Variants in MPRIP observed in about 807,000 individuals in gnomAD.
MPRIP encodes myosin phosphatase Rho-interacting protein.
In MPRIP, 59 loss-of-function variants were observed where a neutral mutation model predicts 234.9. The observed-to-expected ratio is 0.25, with a 90% CI of 0.20 to 0.31. MPRIP has a LOEUF of 0.31. Ranked by LOEUF, MPRIP falls within the 10% of genes least tolerant of loss-of-function variation. MPRIP has a pLI of 1.00. For synonymous variants in MPRIP, 1,144 were observed against 1,263.9 expected (o/e 0.91, Z 2.01); for missense variants, 2,436 against 3,071.0 (o/e 0.79, Z 4.89).
chr17:17,065,666 T>C (rs972958860), intron 1 of MPRIP, among the ~76,000 whole-genome samples: 5 of 152,174 alleles, frequency 3.3e-5, no homozygotes, highest in Admixed American at 1.3e-4. Context: ...TGCCTTTCCA[T>C]GTAAATTTTA....
chr17:17,164,607 G>T lies in MPRIP; in HGVS notation c.3016G>T (p.Ala1006Ser). The change falls in exon 16 of 24, where the codon GCC (alanine) becomes TCC (serine). Residue 1006 changes from alanine to serine, a missense_variant. Physicochemically the swap from Ala to Ser is moderately conservative, Grantham distance 99. Coordinates refer to ENST00000651222, the MANE Select transcript of MPRIP (RefSeq NM_001364716.4). ...RIADLSQQLG[A>S]SEQAQRLMEE... ...TGCCGACCTCAGCCAGCAACTGGGC[G>T]CCAGTGAGCAGGCGCAGCGGCTGAT... 1 of 1,214,338 alleles carries T rather than the reference G, an allele frequency of 8.2e-7. No individual in the cohort carries two copies. Among genetic ancestry groups the T allele is most frequent in the Non-Finnish European group, 1.1e-6 (1 of 948,026 alleles). The allele number at this position is 1,214,338 out of a possible 1,614,324, so 75.2% of individuals were successfully genotyped here.
chr17:17,140,895 T>C (rs2090800686), intron 7 of MPRIP, among the ~76,000 whole-genome samples: 2 of 152,100 alleles, frequency 1.3e-5, no homozygotes, highest in Non-Finnish European at 2.9e-5. Context: ...AGCTGCAGGG[T>C]GCAGGCCCCG....
intron 3 of MPRIP, among the ~76,000 whole-genome samples, chr17:17,122,304 G>T (rs1322841792): frequency 6.6e-6 from 1 of 151,988 alleles, no homozygotes; most frequent in Non-Finnish European, 1.5e-5. Flanking sequence ...CTCCACAATC[G>T]AAGGGAGCTG....
intron 6 of MPRIP, among the ~76,000 whole-genome samples, chr17:17,137,068 G>A (rs1481300921): frequency 2.6e-5 from 4 of 152,176 alleles, no homozygotes; most frequent in African/African-American, 4.8e-5. Flanking sequence ...AGCAGCAGGG[G>A]CCAGCCCAGC....
chr17:17,089,657 C>T (rs1401270979), intron 3 of MPRIP, among the ~76,000 whole-genome samples: 1 of 152,018 alleles, frequency 6.6e-6, no homozygotes, highest in Non-Finnish European at 1.5e-5. Flanking sequence ...CTAAGTAGGA[C>T]TTGTGGGGGT....
intron 12 of MPRIP, among the ~76,000 whole-genome samples, chr17:17,151,038 T>TATTATTATTATTATTATC (rs1223072409): frequency 9.2e-6 from 1 of 108,770 alleles, no homozygotes; most frequent in East Asian, 3.1e-4. Flanking sequence ...TTATTATTAT[T>TATTATTATTATTATTATC]ATTATCATTA....
chr17:17,147,643 A>G (rs968242828), intron 11 of MPRIP, among the ~76,000 whole-genome samples: 1 of 152,164 alleles, frequency 6.6e-6, no homozygotes, highest in African/African-American at 2.4e-5. Flanking sequence ...GGCTTCGTCA[A>G]GGCCTTGAAT....
chr17:17,153,061 C>A (rs1308037359), intron 12 of MPRIP, among the ~76,000 whole-genome samples: 1 of 152,150 alleles, frequency 6.6e-6, no homozygotes, highest in Non-Finnish European at 1.5e-5. Flanking sequence ...CAGCAACGCC[C>A]ACACCTGGGG....
intron 3 of MPRIP, among the ~76,000 whole-genome samples, chr17:17,114,986 G>C (rs532611471): frequency 6.6e-6 from 1 of 152,380 alleles, no homozygotes; most frequent in South Asian, 2.1e-4. Flanking sequence ...GGAAAGCCCT[G>C]AACGGGTCAT....
At chr17:17,098,094 G>A (rs908791586) in intron 3 of MPRIP, among the ~76,000 whole-genome samples, 1 of 152,114 alleles carries the variant, frequency 6.6e-6, no homozygotes, top group African/African-American at 2.4e-5. Context: ...TGGGCTGCTG[G>A]GGGTGTCCTG....
chr17:17,145,410 TC>T (rs2045438749), intron 9 of MPRIP, among the ~76,000 whole-genome samples: 1 of 152,336 alleles, frequency 6.6e-6, no homozygotes, highest in South Asian at 2.1e-4. Flanking sequence ...CTCAGGCTGT[TC>T]CTCAGGGCCC....
intron 1 of MPRIP, among the ~76,000 whole-genome samples, chr17:17,070,909 G>A (rs1774238981): frequency 6.6e-6 from 1 of 152,210 alleles, no homozygotes; most frequent in Non-Finnish European, 1.5e-5. Context: ...TTCCGTGGGG[G>A]AAGGGAGTCA....
chr17:17,143,610 CT>C lies in MPRIP; in HGVS notation c.1445del (p.Leu482ArgfsTer19). On this transcript the variant is annotated frameshift_variant, in exon 9 of 24. Coordinates refer to ENST00000651222, the MANE Select transcript of MPRIP (RefSeq NM_001364716.4). LOFTEE classifies it high-confidence loss of function. ...APLPDASASP[L>X]SPHRRAKSLD... ...TCTCCCAGACGCCTCGGCTTCCCCC[CT>C]GTCTCCACACCGAAGAGCCAAGTCA... 2 of 1,607,194 alleles carry C rather than the reference CT, an allele frequency of 1.2e-6. No homozygotes were observed. Among genetic ancestry groups the C allele is most frequent in the Non-Finnish European group, 8.5e-7 (1 of 1,177,138 alleles).
intron 3 of MPRIP, among the ~76,000 whole-genome samples, chr17:17,087,646 G>T (rs1169158429): frequency 6.6e-6 from 1 of 152,204 alleles, no homozygotes; most frequent in African/African-American, 2.4e-5. Context: ...GGAGCACCTT[G>T]CCCTTAACTT....
chr17:17,182,959 A>G (rs112246725), intron 23 of MPRIP: 280 of 152,510 alleles, frequency 1.8e-3, no homozygotes, highest in East Asian at 2.3e-3. Context: ...AGCCCCTTCA[A>G]TGGTGACCAG....
intron 14 of MPRIP, among the ~76,000 whole-genome samples, chr17:17,160,144 G>A (rs924977966): frequency 3.3e-5 from 5 of 152,088 alleles, no homozygotes; most frequent in Non-Finnish European, 7.4e-5. Flanking sequence ...CGAGGCGGGC[G>A]GATCACAAGG....
At chr17:17,144,059 G>A (rs903332077) in intron 9 of MPRIP, among the ~76,000 whole-genome samples, 1 of 152,220 alleles carries the variant, frequency 6.6e-6, no homozygotes, top group Non-Finnish European at 1.5e-5. Context: ...CTCGTTCTCC[G>A]TGTCATGCCT....
In MPRIP at chr17:17,185,573, C is replaced by CTCCTTCCTTCCTTCCT; in HGVS notation, c.*688_*703dup. 2.2e-6 allele frequency: 1 copy of CTCCTTCCTTCCTTCCT among 455,328 alleles called. No individual in the cohort carries two copies. The highest frequency in any genetic ancestry group is 1.6e-5 in the South Asian group (1 of 64,268). 28.2% of individuals were successfully genotyped at this position (455,328 alleles called of 1,614,324 possible). On this transcript the variant is annotated 3_prime_UTR_variant, in exon 24 of 24. Transcript: ENST00000651222. ...ATCTTGCACAAAATCCCCGGCCCCT[C>CTCCTTCCTTCCTTCCT]TCCTTCCTTCCTTCCTTCCTTCCTC... is the stretch of plus-strand genomic sequence containing the variant.
At chr17:17,089,491 T>TG (rs1175100635) in intron 3 of MPRIP, among the ~76,000 whole-genome samples, 1 of 152,132 alleles carries the variant, frequency 6.6e-6, no homozygotes, top group Non-Finnish European at 1.5e-5. Flanking sequence ...TTTTAGAGAT[T>TG]GGGTTTTTTT....
Sources: gnomAD v4.1 joint callset for allele counts (sites outside exome capture counted in the v4.1 genomes callset) on GRCh38, gnomAD v4.1.1 for gene constraint, MANE v1.5 for transcripts, NCBI Gene and HGNC (gene_info 2026-07-23, HGNC 2026-07-21) for gene names.